The following DNAAF5 variants were observed in gnomAD, a reference collection of about 807,000 sequenced individuals.
DNAAF5 encodes HEAT repeat containing 2.
A neutral mutation model predicts 75.8 loss-of-function variants in DNAAF5; 64 were observed. That is an observed-to-expected ratio of 0.84 (90% CI 0.69 to 1.04). The LOEUF is 1.04. DNAAF5 is among the 50% of genes least tolerant of loss of function. The pLI, the probability that DNAAF5 is intolerant of heterozygous loss-of-function variation, is 0.00. For missense variants in DNAAF5, 1,269 were observed against 1,178.5 expected (o/e 1.08, Z -1.12); for synonymous variants, 657 against 557.2 (o/e 1.18, Z -2.52).
At chr7:728,179 G>T (rs1326034796) in intron 1 of DNAAF5, among the ~76,000 whole-genome samples, 1 of 152,136 alleles carries the variant, frequency 6.6e-6, no homozygotes, top group Non-Finnish European at 1.5e-5. Flanking sequence ...ATTCCTGCAG[G>T]GTCTTGCCCT....
chr7:755,144 C>T (rs1360371498), intron 5 of DNAAF5, among the ~76,000 whole-genome samples: 1 of 152,200 alleles, frequency 6.6e-6, no homozygotes, highest in African/African-American at 2.4e-5. Context: ...GACACAGGAC[C>T]GAGATGCCCA....
chr7:732,375 C>T (rs546922547), intron 2 of DNAAF5, among the ~76,000 whole-genome samples: 34 of 152,248 alleles, frequency 2.2e-4, no homozygotes, highest in Non-Finnish European at 8.8e-5. Flanking sequence ...TGCCCTGTGC[C>T]GCCCTCAGGT....
At position 770,500 on chromosome 7, in the gene DNAAF5, G is replaced by A. The variant is rs572892623; in HGVS notation, c.1813G>A (p.Val605Ile). 39 of 1,613,668 alleles carry A rather than the reference G, an allele frequency of 2.4e-5. No homozygotes were observed. The African/African-American group carries it at 3.2e-4, about 13-fold the overall frequency. Residue 605 changes from valine to isoleucine, a missense_variant, in exon 9 of 13, where the codon GTC becomes ATC. Coordinates refer to ENST00000297440, the MANE Select transcript of DNAAF5 (RefSeq NM_017802.4). ...TGCCCTGGGAGAAGCCCTGCCACAC[G>A]TCGTGCCCACGCTGAGGGCCTGTCT... ...GPALGEALPH[V>I]VPTLRACLQP...
At chr7:760,362 T>C (rs933766243) in intron 6 of DNAAF5, among the ~76,000 whole-genome samples, 12 of 152,216 alleles carry the variant, frequency 7.9e-5, no homozygotes, top group Non-Finnish European at 2.9e-5. Flanking sequence ...TAAAAACAGT[T>C]TTTAAGCATA....
intron 8 of DNAAF5, among the ~76,000 whole-genome samples, chr7:767,653 A>C (rs1465454576): frequency 6.6e-6 from 1 of 152,054 alleles, no homozygotes; most frequent in Non-Finnish European, 1.5e-5. Context: ...AAGCCAGTGC[A>C]GAAGTGTCCG....
At chr7:738,944 C>T (rs984408609) in intron 2 of DNAAF5, among the ~76,000 whole-genome samples, 6 of 152,350 alleles carry the variant, frequency 3.9e-5, no homozygotes, top group African/African-American at 9.6e-5. Context: ...CCAAACCCAG[C>T]GAGTTCAGAC....
intron 12 of DNAAF5, among the ~76,000 whole-genome samples, chr7:782,610 C>A (rs191027333): frequency 2.0e-4 from 30 of 147,268 alleles, no homozygotes; most frequent in Middle Eastern, 3.5e-3. Context: ...CGTTACGCAG[C>A]GTCAGAAACT....
intron 9 of DNAAF5, 119 bp from the exon 10 acceptor site, chr7:773,929 T>G: frequency 8.7e-7 from 1 of 1,152,142 alleles, no homozygotes; most frequent in Non-Finnish European, 1.3e-6. Flanking sequence ...CCTCGTGTTT[T>G]GGGGTCGAGT....
At chr7:768,975 T>G in intron 8 of DNAAF5, 1 of 587,576 alleles carries the variant, frequency 1.7e-6, no homozygotes, top group Non-Finnish European at 3.1e-6. Context: ...AAGTCAGGCG[T>G]CCCAGCAGCT....
At chr7:784,432 C>G (rs1056094353) in intron 12 of DNAAF5, among the ~76,000 whole-genome samples, 1 of 152,214 alleles carries the variant, frequency 6.6e-6, no homozygotes, top group African/African-American at 2.4e-5. Flanking sequence ...AGGCGGAGAC[C>G]TTGAGGTCCT....
chr7:768,625 C>T (rs1778436901), intron 8 of DNAAF5: 1 of 154,510 alleles, frequency 6.5e-6, no homozygotes, highest in African/African-American at 2.4e-5. Context: ...AGCAGGAGCG[C>T]TCATGCTGGG....
intron 6 of DNAAF5, among the ~76,000 whole-genome samples, chr7:760,679 G>A (rs558932977): frequency 7.9e-5 from 12 of 152,326 alleles, no homozygotes; most frequent in Admixed American, 7.8e-4. Flanking sequence ...TATTTAGAAA[G>A]AAGTAAGCAC....
chr7:730,968 A>C (rs1261270010), intron 2 of DNAAF5, among the ~76,000 whole-genome samples: 2 of 152,242 alleles, frequency 1.3e-5, no homozygotes, highest in Non-Finnish European at 2.9e-5. Context: ...GTGCGGGGTC[A>C]GTGTCCATGC....
chr7:727,207 C>A lies in DNAAF5; in HGVS notation c.487C>A (p.His163Asn), dbSNP rs1474620453. Residue 163 changes from histidine (H) to asparagine (N), a missense_variant, in exon 1 of 13, where the codon CAC (histidine) becomes AAC (asparagine). Transcript: ENST00000297440. The part of the protein sequence containing the change: ...VDLCGAALAP[H>N]LDDALRALRC... ...CCTGTGCGGCGCCGCGCTCGCGCCC[C>A]ACCTGGACGACGCTCTGCGCGCGCT... 2 of 1,350,950 alleles carry A rather than the reference C, an allele frequency of 1.5e-6. No homozygotes were observed. 83.7% of individuals were successfully genotyped at this position (1,350,950 alleles called of 1,614,324 possible). A position where few individuals can be genotyped will look rare whatever the true frequency, so the allele number is the denominator to read the frequency against.
Position 740,484 on chromosome 7 carries a change from G to T in DNAAF5, c.781-335G>T, listed in dbSNP as rs567894781. On this transcript the variant is annotated intron_variant, in intron 2 of 12. Coordinates refer to ENST00000297440, the MANE Select transcript of DNAAF5 (RefSeq NM_017802.4). ...GCAGAAGACTTTGAACACGCTGCAC[G>T]GCTCAGGTAGCAGCTGGGAGCCTGC... Among the ~76,000 whole-genome samples, 6 of 152,350 alleles carry T rather than the reference G, an allele frequency of 3.9e-5. 1 individual carries two copies. In the East Asian group the frequency reaches 9.7e-4, roughly 25 times the overall value.
rs541171509 is a variant in DNAAF5, at chr7:743,027, G to A, written c.1024+1562G>A. On this transcript the variant is annotated intron_variant, in intron 4 of 12. Transcript: ENST00000297440. Reference sequence around the variant, plus strand: ...TAGTTGAGGCGCTGAAGTAGCCCGGGGTCAGGTCCTGGAGGGAAATGTATT... The same window carrying A: ...TAGTTGAGGCGCTGAAGTAGCCCGGAGTCAGGTCCTGGAGGGAAATGTATT... Among the ~76,000 whole-genome samples the A allele has an allele frequency of 1.6e-4, 24 of 152,312 alleles. 1 individual carries two copies. The South Asian group carries it at 4.8e-3, about 30-fold the overall frequency.
At chr7:774,464 T>C (rs879447293) in intron 10 of DNAAF5, among the ~76,000 whole-genome samples, 12 of 152,172 alleles carry the variant, frequency 7.9e-5, no homozygotes, top group Non-Finnish European at 1.8e-4. Flanking sequence ...CAGCCGCTCA[T>C]GAGCGTGCGG....
intron 6 of DNAAF5, among the ~76,000 whole-genome samples, chr7:758,558 C>T (rs566538277): frequency 2.2e-4 from 34 of 152,358 alleles, no homozygotes; most frequent in South Asian, 1.0e-3. Flanking sequence ...AAACCCAAGA[C>T]GTACATTTCA....
chr7:756,934 G>T lies in DNAAF5; in HGVS notation c.1410G>T (p.Pro470=), dbSNP rs202182894. ...MRGCPREALQ[P]HLAAIATELA... is the part of the protein sequence containing the mutation. ...GTTGCCCCCGAGAAGCCCTCCAGCC[G>T]CACCTGGCAGCCATCGCCACAGAGC... The change falls in exon 6 of 13, where the codon CCG becomes CCT. Residue 470 remains proline, a synonymous_variant. Transcript: ENST00000297440. 2 of 1,608,912 alleles carry T rather than the reference G, an allele frequency of 1.2e-6. No individual in the cohort carries two copies. The highest frequency in any genetic ancestry group is 1.1e-5 in the South Asian group (1 of 91,058).
Sources: allele counts gnomAD v4.1 joint callset (sites outside exome capture counted in the v4.1 genomes callset), GRCh38; gene constraint gnomAD v4.1.1; transcripts MANE v1.5; gene names NCBI Gene and HGNC (gene_info 2026-07-23, HGNC 2026-07-21).